GALNTL6: variants seen among roughly 807,000 people sequenced by gnomAD.
GALNTL6 encodes the protein polypeptide N-acetylgalactosaminyltransferase like 6.
Under a neutral mutation model 73.7 loss-of-function variants are expected in GALNTL6, and 46 were observed. The observed-to-expected ratio is 0.62, with a 90% CI of 0.49 to 0.80. The LOEUF (loss-of-function observed/expected upper bound fraction) is 0.80, where lower values mean the gene tolerates loss of function less well. Ranked by LOEUF, GALNTL6 falls within the 30% of genes least tolerant of loss-of-function variation. GALNTL6 has a pLI of 0.00. For synonymous variants in GALNTL6, 259 were observed against 263.7 expected (o/e 0.98, Z 0.17); for missense variants, 604 against 755.0 (o/e 0.80, Z 2.34).
intron 2 of GALNTL6, among the ~76,000 whole-genome samples, chr4:172,112,884 T>A (rs1182602588): frequency 1.3e-5 from 2 of 151,924 alleles, no homozygotes; most frequent in Non-Finnish European, 2.9e-5. Context: ...AATTGGGAAG[T>A]GGACCCTCGC....
intron 2 of GALNTL6, among the ~76,000 whole-genome samples, chr4:171,927,025 T>C (rs1333248773): frequency 6.6e-6 from 1 of 151,692 alleles, no homozygotes; most frequent in African/African-American, 2.4e-5. Flanking sequence ...AACCTATACG[T>C]AATTTTTTTT....
chr4:172,771,943 A>AG, intron 5 of GALNTL6, among the ~76,000 whole-genome samples: 1 of 152,300 alleles, frequency 6.6e-6, no homozygotes, highest in South Asian at 2.1e-4. Flanking sequence ...CTGCTGATAA[A>AG]GACATACCCG....
chr4:172,274,484 A>G (rs1738762447), intron 3 of GALNTL6, among the ~76,000 whole-genome samples: 1 of 152,180 alleles, frequency 6.6e-6, no homozygotes, highest in Non-Finnish European at 1.5e-5. Context: ...GTTCATGTTC[A>G]TTATCTGAGT....
At chr4:172,674,333 C>T (rs140519825) in intron 5 of GALNTL6, among the ~76,000 whole-genome samples, 336 of 152,280 alleles carry the variant, frequency 2.2e-3, no homozygotes, top group African/African-American at 7.8e-3. Context: ...GAGAGTTCCA[C>T]CATTAAACTC....
chr4:172,034,894 A>G (rs144463618), intron 2 of GALNTL6, among the ~76,000 whole-genome samples: 133 of 152,256 alleles, frequency 8.7e-4, no homozygotes, highest in African/African-American at 3.0e-3. Flanking sequence ...CTAAATTTAA[A>G]GAGTTGCAAA....
chr4:172,382,560 ATTTC>A (rs1264140632), intron 5 of GALNTL6, among the ~76,000 whole-genome samples: 1 of 152,004 alleles, frequency 6.6e-6, no homozygotes, highest in Non-Finnish European at 1.5e-5. Flanking sequence ...TTGTTTCTTC[ATTTC>A]TTTATGTGTC....
At chr4:171,964,231 CTG>C (rs1181027593) in intron 2 of GALNTL6, among the ~76,000 whole-genome samples, 1 of 151,502 alleles carries the variant, frequency 6.6e-6, no homozygotes, top group Non-Finnish European at 1.5e-5. Flanking sequence ...ATCATTGAAA[CTG>C]TGGCAGAGTA....
intron 2 of GALNTL6, among the ~76,000 whole-genome samples, chr4:172,134,388 A>T (rs1332369860): frequency 6.6e-6 from 1 of 152,032 alleles, no homozygotes; most frequent in African/African-American, 2.4e-5. Context: ...CCTCTAAAAA[A>T]AAAAAAGGTA....
At chr4:171,986,613 T>A (rs1162922914) in intron 2 of GALNTL6, among the ~76,000 whole-genome samples, 1 of 152,104 alleles carries the variant, frequency 6.6e-6, no homozygotes, top group Non-Finnish European at 1.5e-5. Flanking sequence ...CGTGGGAACC[T>A]AGAGTGGGAG....
rs201920170 is a variant in GALNTL6 at position 172,264,555 on chromosome 4, AATATATATATATATATATAT to A, written c.247+34810_247+34829del. Among the ~76,000 whole-genome samples, 80 of 103,756 alleles carry A rather than the reference AATATATATATATATATATAT, an allele frequency of 7.7e-4. 1 individual carries two copies. The highest frequency in any genetic ancestry group is 2.4e-3 in the African/African-American group (72 of 30,526). 68.1% of individuals were successfully genotyped at this position (103,756 alleles called of 152,430 possible). ...AATAAGGTTGGCATAATATATGCCA[AATATATATATATATATATAT>A]ATATATATATATATATATTTGGCAT... On this transcript the variant is annotated intron_variant, in intron 3 of 12. Transcript: ENST00000506823.
At chr4:172,176,087 C>T (rs187963437) in intron 2 of GALNTL6, among the ~76,000 whole-genome samples, 1 of 151,876 alleles carries the variant, frequency 6.6e-6, no homozygotes, top group Non-Finnish European at 1.5e-5. Flanking sequence ...CGCCTGTAAT[C>T]CCAGCACTTT....
intron 2 of GALNTL6, among the ~76,000 whole-genome samples, chr4:172,197,698 C>T (rs1370236885): frequency 6.6e-6 from 1 of 152,156 alleles, no homozygotes; most frequent in Non-Finnish European, 1.5e-5. Context: ...AAAAGTTTCT[C>T]TATTTATTAA....
At chr4:172,850,489 C>T (rs1743755843) in intron 7 of GALNTL6, among the ~76,000 whole-genome samples, 3 of 152,146 alleles carry the variant, frequency 2.0e-5, no homozygotes, top group South Asian at 2.1e-4. Flanking sequence ...TCTACATTCA[C>T]GCTTATCACG....
At chr4:173,020,307 G>A (rs1408117170) in intron 11 of GALNTL6, among the ~76,000 whole-genome samples, 1 of 152,212 alleles carries the variant, frequency 6.6e-6, no homozygotes, top group East Asian at 1.9e-4. Flanking sequence ...TAATATAATA[G>A]AATGGGATGG....
rs149012539 is a variant in GALNTL6 at position 172,181,222 on chromosome 4, A to C, written c.139-48434A>C. On this transcript the variant is annotated intron_variant, in intron 2 of 12. Coordinates refer to ENST00000506823, the MANE Select transcript of GALNTL6 (RefSeq NM_001034845.3). ...AACATCAATGCAAACATCCTCAATA[A>C]AATACTGGTAAACTGAATCCAGCAG... 2.5e-4 allele frequency among the ~76,000 whole-genome samples: 38 copies of C among 152,250 alleles called. No homozygotes were observed. In the East Asian group the frequency reaches 6.8e-3, roughly 27 times the overall value.
chr4:172,019,191 G>T (rs2202483), intron 2 of GALNTL6, among the ~76,000 whole-genome samples: 66,369 of 151,960 alleles, frequency 0.44, 15,011 homozygotes, highest in Admixed American at 0.54. Flanking sequence ...AAAGTTCATG[G>T]TCTGAGTCTC....
chr4:172,185,560 A>C (rs1735391164), intron 2 of GALNTL6, among the ~76,000 whole-genome samples: 1 of 152,270 alleles, frequency 6.6e-6, no homozygotes, highest in Non-Finnish European at 1.5e-5. Context: ...GAAAAGAGGC[A>C]GATAAATCAT....
intron 2 of GALNTL6, among the ~76,000 whole-genome samples, chr4:172,079,826 CACA>C (rs1157718613): frequency 2.0e-5 from 3 of 151,828 alleles, no homozygotes; most frequent in Non-Finnish European, 4.4e-5. Context: ...CTATCATGAA[CACA>C]ACACTTTTTT....
chr4:171,831,349 G>A (rs952356866), intron 2 of GALNTL6, among the ~76,000 whole-genome samples: 2 of 151,962 alleles, frequency 1.3e-5, no homozygotes, highest in Non-Finnish European at 2.9e-5. Flanking sequence ...CATATTAAAT[G>A]CAGTGTCTTG....
Sources: gnomAD v4.1 joint callset for allele counts (sites outside exome capture counted in the v4.1 genomes callset) on GRCh38, gnomAD v4.1.1 for gene constraint, MANE v1.5 for transcripts, NCBI Gene and HGNC (gene_info 2026-07-23, HGNC 2026-07-21) for gene names.